GPC5: variants seen among roughly 807,000 people sequenced by gnomAD.
The protein encoded by GPC5 is glypican 5, also known as glypican-5.
Under a neutral mutation model 53.9 loss-of-function variants are expected in GPC5, and 47 were observed. The observed-to-expected ratio is 0.87, with a 90% CI of 0.69 to 1.11. The LOEUF (loss-of-function observed/expected upper bound fraction) is 1.11, where lower values mean the gene tolerates loss of function less well. Ranked by LOEUF, GPC5 falls within the 50% of genes most tolerant of loss-of-function variation. The pLI, the probability that GPC5 is intolerant of heterozygous loss-of-function variation, is 0.00. For missense variants in GPC5, 748 were observed against 713.1 expected (o/e 1.05, Z -0.56); for synonymous variants, 286 against 263.3 (o/e 1.09, Z -0.84).
intron 2 of GPC5, among the ~76,000 whole-genome samples, chr13:91,627,405 G>A (rs943401797): frequency 5.9e-5 from 9 of 151,826 alleles, no homozygotes; most frequent in Non-Finnish European, 1.2e-4. Flanking sequence ...CACTGTTGGT[G>A]GGACTGTAAA....
intron 2 of GPC5, among the ~76,000 whole-genome samples, chr13:91,615,449 G>A (rs2033669676): frequency 6.6e-6 from 1 of 152,134 alleles, no homozygotes; most frequent in Non-Finnish European, 1.5e-5. Flanking sequence ...GCCACACCTA[G>A]TTTCAAGGGA....
chr13:92,667,243 G>A (rs1448059601), intron 7 of GPC5, among the ~76,000 whole-genome samples: 6 of 152,116 alleles, frequency 3.9e-5, no homozygotes, highest in African/African-American at 1.2e-4. Flanking sequence ...AAATGCCACT[G>A]TTGGTGTTTC....
In GPC5 at chr13:92,520,881, C is replaced by T. The variant is rs545797731; in HGVS notation, c.1562-345401C>T. Among the ~76,000 whole-genome samples the T allele has an allele frequency of 4.6e-5, 7 of 152,146 alleles. 1 individual carries two copies. Among genetic ancestry groups the T allele is most frequent in the African/African-American group, 9.6e-5 (4 of 41,498 alleles). ...TGACATGATTGTGTAGTTAGAAATC[C>T]CCATCATCTCAACCCAAAATCTCCT... On this transcript the variant is annotated intron_variant, in intron 7 of 7. Transcript: ENST00000377067.
chr13:91,827,309 C>G (rs768005981), intron 5 of GPC5, among the ~76,000 whole-genome samples: 2 of 151,666 alleles, frequency 1.3e-5, no homozygotes, highest in African/African-American at 2.4e-5. Flanking sequence ...AAAGAATAAC[C>G]AAAGCATTAA....
intron 2 of GPC5, among the ~76,000 whole-genome samples, chr13:91,468,534 T>G (rs543377089): frequency 2.0e-5 from 3 of 152,296 alleles, no homozygotes; most frequent in Admixed American, 6.5e-5. Context: ...GAATGCCATC[T>G]TCAAGTCAGG....
intron 1 of GPC5, among the ~76,000 whole-genome samples, chr13:91,420,308 T>C (rs1420205443): frequency 2.0e-5 from 3 of 152,170 alleles, no homozygotes; most frequent in South Asian, 2.1e-4. Flanking sequence ...CCGTTCTCCA[T>C]AGTGAATGAT....
intron 7 of GPC5, among the ~76,000 whole-genome samples, chr13:92,762,081 A>G (rs1293894580): frequency 6.6e-6 from 1 of 152,126 alleles, no homozygotes; most frequent in Non-Finnish European, 1.5e-5. Context: ...ATGAAAACAC[A>G]TGGAAGTATA....
intron 7 of GPC5, among the ~76,000 whole-genome samples, chr13:92,697,329 A>G (rs1887586461): frequency 6.6e-6 from 1 of 152,190 alleles, no homozygotes; most frequent in Non-Finnish European, 1.5e-5. Flanking sequence ...CCTATCCATG[A>G]GCACGGAATG....
intron 2 of GPC5, among the ~76,000 whole-genome samples, chr13:91,686,709 G>A (rs2035630159): frequency 6.6e-6 from 1 of 151,952 alleles, no homozygotes; most frequent in East Asian, 1.9e-4. Flanking sequence ...ATTGTAACGT[G>A]TGTGATAAAA....
chr13:92,629,860 C>T (rs16947827), intron 7 of GPC5, among the ~76,000 whole-genome samples: 36,433 of 151,956 alleles, frequency 0.24, 4,579 homozygotes, highest in African/African-American at 0.31. Flanking sequence ...CAGAGGTTAG[C>T]GATTTTTCTG....
At chr13:92,702,591 AT>A (rs769473117) in intron 7 of GPC5, among the ~76,000 whole-genome samples, 7 of 151,866 alleles carry the variant, frequency 4.6e-5, no homozygotes, top group Non-Finnish European at 1.0e-4. Flanking sequence ...GTATCCAGTC[AT>A]TTTTCATCAC....
chr13:91,745,598 A>G (rs2037031508), intron 4 of GPC5, among the ~76,000 whole-genome samples: 1 of 152,076 alleles, frequency 6.6e-6, no homozygotes, highest in South Asian at 2.1e-4. Context: ...GTGGAGGGGA[A>G]AACCTGGAAT....
intron 2 of GPC5, among the ~76,000 whole-genome samples, chr13:91,584,326 T>A (rs1009563876): frequency 6.6e-6 from 1 of 152,146 alleles, no homozygotes; most frequent in African/African-American, 2.4e-5. Flanking sequence ...CAAAAACATA[T>A]GAAAATTTGA....
intron 7 of GPC5, among the ~76,000 whole-genome samples, chr13:92,644,112 A>AT (rs1885685721): frequency 6.6e-6 from 1 of 152,148 alleles, no homozygotes; most frequent in African/African-American, 2.4e-5. Context: ...CCTGAGGAGG[A>AT]TTTTTAAGAA....
intron 6 of GPC5, among the ~76,000 whole-genome samples, chr13:91,928,041 TGG>T (rs2039785229): frequency 6.6e-6 from 1 of 152,230 alleles, no homozygotes; most frequent in Admixed American, 6.5e-5. Flanking sequence ...ATTTTGCATG[TGG>T]GTGTACACAC....
chr13:92,326,411 T>G (rs953564381), intron 7 of GPC5, among the ~76,000 whole-genome samples: 1 of 152,130 alleles, frequency 6.6e-6, no homozygotes, highest in African/African-American at 2.4e-5. Context: ...CTAATATTTT[T>G]ATAGAAACTT....
At chr13:92,302,976 A>G (rs911850005) in intron 7 of GPC5, among the ~76,000 whole-genome samples, 1 of 152,106 alleles carries the variant, frequency 6.6e-6, no homozygotes, top group Non-Finnish European at 1.5e-5. Context: ...CAAAACCTTT[A>G]TTTCTATTAT....
chr13:91,513,984 C>A (rs1885367641), intron 2 of GPC5, among the ~76,000 whole-genome samples: 1 of 152,060 alleles, frequency 6.6e-6, no homozygotes, highest in Admixed American at 6.6e-5. Flanking sequence ...ATAGTTTGTC[C>A]TTTTTATTGC....
At chr13:92,151,527 C>T (rs142398922) in intron 7 of GPC5, among the ~76,000 whole-genome samples, 1 of 152,216 alleles carries the variant, frequency 6.6e-6, no homozygotes, top group East Asian at 1.9e-4. Context: ...AACTGTAACA[C>T]TTAGGCCAGT....
Sources: gnomAD v4.1 joint callset for allele counts (sites outside exome capture counted in the v4.1 genomes callset) on GRCh38, gnomAD v4.1.1 for gene constraint, MANE v1.5 for transcripts, NCBI Gene and HGNC (gene_info 2026-07-23, HGNC 2026-07-21) for gene names.